JPH2: variants seen among roughly 807,000 people sequenced by gnomAD.
JPH2 encodes the protein junctophilin 2, also known as junctophilin-2.
JPH2 carries 38 observed loss-of-function variants against 55.9 expected under a neutral mutation model. That is an observed-to-expected ratio of 0.68 (90% CI 0.52 to 0.89). The LOEUF is 0.89. JPH2 is among the 40% of genes least tolerant of loss of function. The pLI is 0.00. For synonymous variants in JPH2, 480 were observed against 472.4 expected, an observed-to-expected ratio of 1.02 and a Z score of -0.21; for missense variants, 964 against 1,037.6, an observed-to-expected ratio of 0.93 and a Z score of 0.97.
chr20:44,127,560 A>G (rs1482818607), intron 2 of JPH2, among the ~76,000 whole-genome samples: 1 of 149,088 alleles, frequency 6.7e-6, no homozygotes, highest in African/African-American at 2.5e-5. Flanking sequence ...ATCTCAGCTC[A>G]CTGCAACCTC....
chr20:44,175,524 C>T (rs2072727048), intron 1 of JPH2, among the ~76,000 whole-genome samples: 1 of 152,238 alleles, frequency 6.6e-6, no homozygotes, highest in Non-Finnish European at 1.5e-5. Context: ...ATCAAATCTC[C>T]ATAGTCTCTG....
In JPH2 at chr20:44,160,718, TTGTG is replaced by T. The variant is rs752203113; in HGVS notation, c.380-315_380-312del. ...AGTGCAAATGTTGGAGAGCATGGGC[TTGTG>T]TGTGTATTTGTGCAAGATCGTGCGT... On this transcript the variant is annotated intron_variant, in intron 1 of 5. Coordinates refer to ENST00000372980, the MANE Select transcript of JPH2 (RefSeq NM_020433.5). This position sits in a 1 kb window ranked among gnomAD's most constrained non-coding sequence, Gnocchi z 4.9. Among the ~76,000 whole-genome samples the T allele has an allele frequency of 1.1e-4, 17 of 152,308 alleles. No individual in the cohort carries two copies. Among genetic ancestry groups the T allele is most frequent in the South Asian group, 1.0e-3 (5 of 4,826 alleles).
Position 44,149,958 on chromosome 20 carries a change from C to CGG in JPH2, c.1169+9659_1169+9660insCC, listed in dbSNP as rs1478047029. Among the ~76,000 whole-genome samples, 250 of 59,638 alleles carry CGG rather than the reference C, an allele frequency of 4.2e-3. 2 individuals carry two copies. The highest frequency in any genetic ancestry group is 0.031 in the Admixed American group (124 of 4,044). 39.1% of individuals were successfully genotyped at this position (59,638 alleles called of 152,430 possible). ...ATCCACTGCACTCCAGCCTGGGCGA[C>CGG]AGAGGAAAAAAAAAAAAAAAAAAAA... is the stretch of plus-strand genomic sequence containing the variant. On this transcript the variant is annotated intron_variant, in intron 2 of 5. Transcript: ENST00000372980.
rs966405034 is a variant in JPH2 at position 44,163,781 on chromosome 20, G to T, written c.380-3374C>A. Among the ~76,000 whole-genome samples the T allele has an allele frequency of 3.3e-5, 5 of 152,170 alleles. 1 individual carries two copies. The highest frequency in any genetic ancestry group is 6.5e-5 in the Admixed American group (1 of 15,284). On this transcript the variant is annotated intron_variant, in intron 1 of 5. Coordinates refer to ENST00000372980, the MANE Select transcript of JPH2 (RefSeq NM_020433.5). Reference sequence around the variant, plus strand: ...TTAAAAGAAAACAACTGATCCTTGGGCTTTACCACCATCAATTCCTGTTTA... The same window carrying T: ...TTAAAAGAAAACAACTGATCCTTGGTCTTTACCACCATCAATTCCTGTTTA...
chr20:44,123,264 C>A (rs563822182), intron 2 of JPH2, among the ~76,000 whole-genome samples: 2 of 152,290 alleles, frequency 1.3e-5, no homozygotes, highest in South Asian at 4.1e-4. Flanking sequence ...CTTCAGCACC[C>A]TCCCTCCCCA....
chr20:44,174,433 C>T (rs993527633), intron 1 of JPH2, among the ~76,000 whole-genome samples: 2 of 152,300 alleles, frequency 1.3e-5, no homozygotes, highest in Non-Finnish European at 1.5e-5. Flanking sequence ...CTCCTTATTA[C>T]GTCTACATGT....
rs6031442 is a variant in JPH2, at chr20:44,186,291, T to C, written c.379+36A>G. On this transcript the variant is annotated intron_variant, in intron 1 of 5. Transcript: ENST00000372980. Reference sequence around the variant, plus strand: ...ACCAGGGTTTCTCACCCTCCCTGGCTCCACCCCACCTCTGCGGGCCCCCAG... The same window carrying C: ...ACCAGGGTTTCTCACCCTCCCTGGCCCCACCCCACCTCTGCGGGCCCCCAG... 0.84 allele frequency: 1,341,373 copies of C among 1,604,436 alleles called. 561,834 individuals are homozygous for C. The highest frequency in any genetic ancestry group is 0.93 in the African/African-American group (69,252 of 74,640).
intron 2 of JPH2, among the ~76,000 whole-genome samples, chr20:44,137,400 C>T (rs183836362): frequency 6.6e-5 from 10 of 152,332 alleles, no homozygotes; most frequent in South Asian, 2.1e-4. Flanking sequence ...CGGCCTCCCC[C>T]GCCTCCCGCC....
chr20:44,140,179 A>AT (rs564020722), intron 2 of JPH2, among the ~76,000 whole-genome samples: 172 of 151,298 alleles, frequency 1.1e-3, no homozygotes, highest in Non-Finnish European at 1.8e-3. Flanking sequence ...CCGAGATTTT[A>AT]TTTTTTTTTA....
intron 1 of JPH2, among the ~76,000 whole-genome samples, chr20:44,185,883 T>C (rs2072834909): frequency 6.6e-6 from 1 of 151,304 alleles, no homozygotes; most frequent in African/African-American, 2.4e-5. Flanking sequence ...AGATGATGAG[T>C]GGATAGTTGG....
At chr20:44,114,569 T>A (rs1044481380) in intron 5 of JPH2, among the ~76,000 whole-genome samples, 2 of 18,156 alleles carry the variant, frequency 1.1e-4, no homozygotes, top group East Asian at 1.4e-3. Context: ...GAAGTAAGTG[T>A]GTGTGTGTGT....
rs557042688 is a variant in JPH2, at chr20:44,160,331, G to A, written c.456C>T (p.Ala152=). The A allele has an allele frequency of 4.4e-6, 7 of 1,575,024 alleles. No homozygotes were observed. Among genetic ancestry groups the A allele is most frequent in the African/African-American group, 1.3e-5 (1 of 74,110 alleles). ...GVRQSVPYGM[A]VVVRSPLRTS... is the part of the protein sequence containing the mutation. ...TGCGCAGCGGCGAGCGCACCACCACGGCCATCCCGTAGGGCACGCTCTGGC... is the reference window on the plus strand; with the variant it reads ...TGCGCAGCGGCGAGCGCACCACCACAGCCATCCCGTAGGGCACGCTCTGGC... The change falls in exon 2 of 6, where the codon GCC becomes GCT. Residue 152 remains alanine, a synonymous_variant. Transcript: ENST00000372980. The surrounding 1 kb of genome is among the most constrained non-coding windows in gnomAD (Gnocchi z 4.9).
intron 2 of JPH2, among the ~76,000 whole-genome samples, chr20:44,154,497 G>C (rs1347255620): frequency 6.6e-6 from 1 of 152,226 alleles, no homozygotes; most frequent in Non-Finnish European, 1.5e-5. Flanking sequence ...GGACAGCCCA[G>C]GTCTAGAATC....
chr20:44,155,592 C>A (rs190646814), intron 2 of JPH2, among the ~76,000 whole-genome samples: 118 of 152,164 alleles, frequency 7.8e-4, no homozygotes, highest in African/African-American at 2.7e-3. Flanking sequence ...AAGGATGGAG[C>A]GGGAAAAGAG....
chr20:44,143,140 A>C (rs1234681214), intron 2 of JPH2, among the ~76,000 whole-genome samples: 1 of 152,230 alleles, frequency 6.6e-6, no homozygotes, highest in Non-Finnish European at 1.5e-5. Context: ...CAGGCAGGAA[A>C]GAGAACGGCC....
At chr20:44,122,035 G>T (rs2072241507) in intron 2 of JPH2, among the ~76,000 whole-genome samples, 1 of 152,088 alleles carries the variant, frequency 6.6e-6, no homozygotes, top group Non-Finnish European at 1.5e-5. Context: ...TACATAGCTA[G>T]TAAGTACCAG....
chr20:44,114,963 G>T, intron 4 of JPH2, 87 bp from the exon 5 acceptor site: 1 of 1,012,690 alleles, frequency 9.9e-7, no homozygotes, highest in African/African-American at 1.6e-5. Flanking sequence ...GACAGAGCAG[G>T]AACTTCTGGA....
Position 44,115,660 on chromosome 20 carries a change from C to CTCACCTCTTCCACCTCCACCT in JPH2, c.1994_2010+4dup. ...CCTTAGGCACACCTTGCCCGACAGC[C>CTCACCTCTTCCACCTCCACCT]TCACCTCTTCCACCTCCACCTCCGC... On this transcript the variant is annotated splice_donor_region_variant and intron_variant, in intron 4 of 5. Coordinates refer to ENST00000372980, the MANE Select transcript of JPH2 (RefSeq NM_020433.5). 6.2e-7 allele frequency: 1 copy of CTCACCTCTTCCACCTCCACCT among 1,612,380 alleles called. No individual in the cohort carries two copies. Among genetic ancestry groups the CTCACCTCTTCCACCTCCACCT allele is most frequent in the Non-Finnish European group, 8.5e-7 (1 of 1,179,954 alleles).
chr20:44,185,669 AGATGGATG>A (rs34539425), intron 1 of JPH2, among the ~76,000 whole-genome samples: 14 of 148,048 alleles, frequency 9.5e-5, no homozygotes, highest in Admixed American at 2.0e-4. Flanking sequence ...GATGGATCAT[AGATGGATG>A]GATGGATGGA....
Sources: gnomAD v4.1 joint callset for allele counts (sites outside exome capture counted in the v4.1 genomes callset) on GRCh38, gnomAD v4.1.1 for gene constraint, Gnocchi (gnomAD v3.1) non-coding constraint, MANE v1.5 for transcripts, NCBI Gene and HGNC (gene_info 2026-07-23, HGNC 2026-07-21) for gene names.